EMX2: variants seen among roughly 807,000 people sequenced by gnomAD.
EMX2 encodes homeobox protein EMX2.
EMX2 carries 6 observed loss-of-function variants against 23.0 expected under a neutral mutation model. That is an observed-to-expected ratio of 0.26 (90% CI 0.14 to 0.52). The LOEUF is 0.52. EMX2 is among the 20% of genes least tolerant of loss of function. EMX2 has a pLI of 0.97. For missense variants in EMX2, 302 were observed against 341.4 expected (o/e 0.88, Z 0.91); for synonymous variants, 175 against 153.3 (o/e 1.14, Z -1.04).
rs1396447763 is a variant in EMX2 at position 117,548,623 on chromosome 10, C to T, written c.*391C>T. 2 of 470,522 alleles carry T rather than the reference C, an allele frequency of 4.3e-6. No homozygotes were observed. Among genetic ancestry groups the T allele is most frequent in the Non-Finnish European group, 7.4e-6 (2 of 269,782 alleles). The allele number at this position is 470,522 out of a possible 1,614,324, so 29.1% of individuals were successfully genotyped here. A position where few individuals can be genotyped will look rare whatever the true frequency, so the allele number is the denominator to read the frequency against. ...GGGAGCTGTCAATCAAACACCAAAC[C>T]GGGGAGACAAGATGATTGGCAGGTA... On this transcript the variant is annotated 3_prime_UTR_variant, in exon 3 of 3. Coordinates refer to ENST00000553456, the MANE Select transcript of EMX2 (RefSeq NM_004098.4).
rs8192643 is a variant in EMX2, at chr10:117,543,222, G to T, written c.-46G>T. The T allele has an allele frequency of 2.3e-6, 3 of 1,303,558 alleles. No individual in the cohort carries two copies. The highest frequency in any genetic ancestry group is 5.9e-5 in the Admixed American group (2 of 33,896). 80.7% of individuals were successfully genotyped at this position (1,303,558 alleles called of 1,614,324 possible). A position where few individuals can be genotyped will look rare whatever the true frequency, so the allele number is the denominator to read the frequency against. ...GCGGGCGGCGGAGGCAGCGTGCGGC[G>T]GTCGCCAGGAGCTGGGAGCCCAGGG... On this transcript the variant is annotated 5_prime_UTR_variant, in exon 1 of 3. Transcript: ENST00000553456.
chr10:117,543,997 G>A (rs989838625), intron 1 of EMX2, among the ~76,000 whole-genome samples: 1 of 152,214 alleles, frequency 6.6e-6, no homozygotes, highest in Non-Finnish European at 1.5e-5. Flanking sequence ...CCCAGAGCCC[G>A]CGGGATCCCC....
chr10:117,547,544 C>G (rs1016523416), intron 2 of EMX2, among the ~76,000 whole-genome samples: 1 of 152,142 alleles, frequency 6.6e-6, no homozygotes, highest in Non-Finnish European at 1.5e-5. Context: ...CCAGGGCCCC[C>G]GCCACGAAGA....
At position 117,548,291 on chromosome 10, in the gene EMX2, T is replaced by C; in HGVS notation, c.*59T>C. 6.3e-7 allele frequency: 1 copy of C among 1,575,614 alleles called. No homozygotes were observed. Among genetic ancestry groups the C allele is most frequent in the South Asian group, 1.1e-5 (1 of 87,714 alleles). Reference sequence around the variant, plus strand: ...ATGGAGCAAAAGAGACAGGGAGAGGTGGAGAAGGAAAAAACCCTACAAAAC... The same window carrying C: ...ATGGAGCAAAAGAGACAGGGAGAGGCGGAGAAGGAAAAAACCCTACAAAAC... On this transcript the variant is annotated 3_prime_UTR_variant, in exon 3 of 3. Coordinates refer to ENST00000553456, the MANE Select transcript of EMX2 (RefSeq NM_004098.4).
chr10:117,548,527 GGA>G lies in EMX2; in HGVS notation c.*304_*305del. ...CACAGAGAGAAGGAGAAAGAGGGAGGGAGAGAGAGAAAGAGAGAGAAAGAGAG... is the reference window on the plus strand; with the variant it reads ...CACAGAGAGAAGGAGAAAGAGGGAGGGAGAGAGAAAGAGAGAGAAAGAGAG... On this transcript the variant is annotated 3_prime_UTR_variant, in exon 3 of 3. Transcript: ENST00000553456. 1 of 513,392 alleles carries G rather than the reference GGA, an allele frequency of 1.9e-6. No homozygotes were observed. The highest frequency in any genetic ancestry group is 2.7e-5 in the South Asian group (1 of 36,400). 31.8% of individuals were successfully genotyped at this position (513,392 alleles called of 1,614,324 possible).
chr10:117,547,434 C>G (rs1589649992), intron 2 of EMX2, among the ~76,000 whole-genome samples: 1 of 152,218 alleles, frequency 6.6e-6, no homozygotes, highest in South Asian at 2.1e-4. Context: ...CCTACACACT[C>G]CATGTCCCTC....
chr10:117,543,007 TC>T lies in EMX2; in HGVS notation c.-255del, dbSNP rs1053579310. The T allele has an allele frequency of 2.5e-6, 1 of 407,300 alleles. No homozygotes were observed. The allele number at this position is 407,300 out of a possible 1,614,324, so 25.2% of individuals were successfully genotyped here. On this transcript the variant is annotated 5_prime_UTR_variant, in exon 1 of 3. Coordinates refer to ENST00000553456, the MANE Select transcript of EMX2 (RefSeq NM_004098.4). Reference sequence around the variant, plus strand: ...CCTGCAAATTCTTCTGGAAGGATTTTCCCCCCTCTCTTCAGGTTGGGCGCGT... The same window carrying T: ...CCTGCAAATTCTTCTGGAAGGATTTTCCCCCTCTCTTCAGGTTGGGCGCGT...
chr10:117,545,288 C>T (rs1846559893), intron 1 of EMX2: 1 of 263,752 alleles, frequency 3.8e-6, no homozygotes, highest in South Asian at 8.3e-5. Flanking sequence ...CCTGGCCAGG[C>T]TCTGCGGCTC....
Position 117,543,337 on chromosome 10 carries a change from G to C in EMX2, c.70G>C (p.Ala24Pro). 1 of 1,556,040 alleles carries C rather than the reference G, an allele frequency of 6.4e-7. No homozygotes were observed. The highest frequency in any genetic ancestry group is 1.2e-5 in the South Asian group (1 of 84,582). Reference protein sequence around the residue: ...SLVAKDSPLPASRSEDPIRPA... With the variant: ...SLVAKDSPLPPSRSEDPIRPA... ...GGTGGCCAAGGACAGTCCCCTGCCC[G>C]CCTCGCGCTCCGAGGACCCCATCCG... Residue 24 changes from alanine (A) to proline (P), a missense_variant, in exon 1 of 3, where the codon GCC becomes CCC. Transcript: ENST00000553456.
chr10:117,543,833 G>A (rs888724443), intron 1 of EMX2, among the ~76,000 whole-genome samples, 160 bp downstream of exon 1: 1 of 152,246 alleles, frequency 6.6e-6, no homozygotes, highest in Non-Finnish European at 1.5e-5. Flanking sequence ...GGGGCCGGGC[G>A]TGGTGTCGAT....
chr10:117,548,374 G>A lies in EMX2; in HGVS notation c.*142G>A. Reference sequence around the variant, plus strand: ...GGGAGAGGGAATCGGAGGGAGCAGCGGAATGCGGCGAAGACTCTGGACAGC... The same window carrying A: ...GGGAGAGGGAATCGGAGGGAGCAGCAGAATGCGGCGAAGACTCTGGACAGC... On this transcript the variant is annotated 3_prime_UTR_variant, in exon 3 of 3. Coordinates refer to ENST00000553456, the MANE Select transcript of EMX2 (RefSeq NM_004098.4). 3 of 1,320,022 alleles carry A rather than the reference G, an allele frequency of 2.3e-6. No homozygotes were observed. The highest frequency in any genetic ancestry group is 3.1e-6 in the Non-Finnish European group (3 of 970,918). 81.8% of individuals were successfully genotyped at this position (1,320,022 alleles called of 1,614,324 possible). A position where few individuals can be genotyped will look rare whatever the true frequency, so the allele number is the denominator to read the frequency against.
rs760998084 is a variant in EMX2 at position 117,543,384 on chromosome 10, T to C, written c.117T>C (p.Ala39=). The C allele has an allele frequency of 1.3e-6, 2 of 1,578,970 alleles. No individual in the cohort carries two copies. Among genetic ancestry groups the C allele is most frequent in the Non-Finnish European group, 1.7e-6 (2 of 1,163,492 alleles). ...TCCGTCCCGCGGCACTCAGCTACGCTAACTCCAGCCCCATAAATCCGTTCC... is the reference window on the plus strand; with the variant it reads ...TCCGTCCCGCGGCACTCAGCTACGCCAACTCCAGCCCCATAAATCCGTTCC... The part of the protein sequence containing the change: ...DPIRPAALSY[A]NSSPINPFLN... The change falls in exon 1 of 3, where the codon GCT becomes GCC. Residue 39 remains alanine (A), a synonymous_variant. Transcript: ENST00000553456.
rs928416133 is a variant in EMX2, at chr10:117,545,830, G to A, written c.591+14G>A. The A allele has an allele frequency of 6.2e-7, 1 of 1,613,614 alleles. No homozygotes were observed. The stretch of plus-strand genomic sequence containing the variant: ...ACGGAAACTCAGGTGACTGCGGCCC[G>A]GGCGCGAGGAACCCATCTAGGCGTG... On this transcript the variant is annotated intron_variant, in intron 2 of 2. Coordinates refer to ENST00000553456, the MANE Select transcript of EMX2 (RefSeq NM_004098.4).
rs1252489058 is a variant in EMX2, at chr10:117,543,345, C to T, written c.78C>T (p.Arg26=). Residue 26 remains arginine, a synonymous_variant, in exon 1 of 3, where the codon CGC becomes CGT. Transcript: ENST00000553456. ...AGGACAGTCCCCTGCCCGCCTCGCG[C>T]TCCGAGGACCCCATCCGTCCCGCGG... The part of the protein sequence containing the change: ...VAKDSPLPAS[R]SEDPIRPAAL... 6.4e-7 allele frequency: 1 copy of T among 1,559,552 alleles called. No individual in the cohort carries two copies. The highest frequency in any genetic ancestry group is 1.2e-5 in the South Asian group (1 of 84,886).
Position 117,548,607 on chromosome 10 carries a change from C to T in EMX2, c.*375C>T, listed in dbSNP as rs1202598345. The T allele has an allele frequency of 2.0e-6, 1 of 489,442 alleles. No homozygotes were observed. The highest frequency in any genetic ancestry group is 3.1e-5 in the East Asian group (1 of 31,828). The allele number at this position is 489,442 out of a possible 1,614,324, so 30.3% of individuals were successfully genotyped here. Reference sequence around the variant, plus strand: ...CGTGCACTCTGACAAGGGGAGCTGTCAATCAAACACCAAACCGGGGAGACA... The same window carrying T: ...CGTGCACTCTGACAAGGGGAGCTGTTAATCAAACACCAAACCGGGGAGACA... On this transcript the variant is annotated 3_prime_UTR_variant, in exon 3 of 3. Coordinates refer to ENST00000553456, the MANE Select transcript of EMX2 (RefSeq NM_004098.4).
Position 117,549,522 on chromosome 10 carries a change from A to G in EMX2, c.*1290A>G, listed in dbSNP as rs942373740. The G allele has an allele frequency of 6.5e-6, 1 of 152,678 alleles. No homozygotes were observed. The highest frequency in any genetic ancestry group is 1.9e-4 in the East Asian group (1 of 5,206). 9.5% of individuals were successfully genotyped at this position (152,678 alleles called of 1,614,324 possible). On this transcript the variant is annotated 3_prime_UTR_variant, in exon 3 of 3. Coordinates refer to ENST00000553456, the MANE Select transcript of EMX2 (RefSeq NM_004098.4). The stretch of plus-strand genomic sequence containing the variant: ...GTATGTCAATGTCAATATTTTGTCA[A>G]TAAAGATTTATCAATATGCCCTCAG...
In EMX2 at chr10:117,548,713, C is replaced by G. The variant is rs949188553; in HGVS notation, c.*481C>G. ...ATAAAAACCACGACCCAACCAGGCA[C>G]AGGACTTTTTTGTTTTTTGCACTTC... On this transcript the variant is annotated 3_prime_UTR_variant, in exon 3 of 3. Coordinates refer to ENST00000553456, the MANE Select transcript of EMX2 (RefSeq NM_004098.4). 1 of 411,408 alleles carries G rather than the reference C, an allele frequency of 2.4e-6. No individual in the cohort carries two copies. Among genetic ancestry groups the G allele is most frequent in the African/African-American group, 2.1e-5 (1 of 48,676 alleles). 25.5% of individuals were successfully genotyped at this position (411,408 alleles called of 1,614,324 possible).
Position 117,543,218 on chromosome 10 carries a change from C to A in EMX2, c.-50C>A, listed in dbSNP as rs1435532889. Reference sequence around the variant, plus strand: ...GGCAGCGGGCGGCGGAGGCAGCGTGCGGCGGTCGCCAGGAGCTGGGAGCCC... The same window carrying A: ...GGCAGCGGGCGGCGGAGGCAGCGTGAGGCGGTCGCCAGGAGCTGGGAGCCC... On this transcript the variant is annotated 5_prime_UTR_variant, in exon 1 of 3. Coordinates refer to ENST00000553456, the MANE Select transcript of EMX2 (RefSeq NM_004098.4). The A allele has an allele frequency of 7.7e-7, 1 of 1,295,974 alleles. No homozygotes were observed. 80.3% of individuals were successfully genotyped at this position (1,295,974 alleles called of 1,614,324 possible).
rs1349701837 is a variant in EMX2 at position 117,543,185 on chromosome 10, T to C, written c.-83T>C. The stretch of plus-strand genomic sequence containing the variant: ...ACGAGTCCCCAATTCTCGTCCGTCC[T>C]CGCCGCGGGCAGCGGGCGGCGGAGG... On this transcript the variant is annotated 5_prime_UTR_variant, in exon 1 of 3. Transcript: ENST00000553456. 1.2e-5 allele frequency: 10 copies of C among 821,776 alleles called. No individual in the cohort carries two copies. The highest frequency in any genetic ancestry group is 1.4e-5 in the Non-Finnish European group (9 of 665,462). The allele number at this position is 821,776 out of a possible 1,614,324, so 50.9% of individuals were successfully genotyped here.
Sources: gnomAD v4.1 joint callset for allele counts (sites outside exome capture counted in the v4.1 genomes callset) on GRCh38, gnomAD v4.1.1 for gene constraint, MANE v1.5 for transcripts, NCBI Gene and HGNC (gene_info 2026-07-23, HGNC 2026-07-21) for gene names.